Variants in UCK2 observed in about 807,000 individuals in gnomAD.
UCK2 encodes uridine-cytidine kinase 2.
In UCK2, 6 loss-of-function variants were observed where a neutral mutation model predicts 30.8. That is an observed-to-expected ratio of 0.19 (90% CI 0.11 to 0.38). The LOEUF is 0.38. Ranked by LOEUF, UCK2 falls within the 10% of genes least tolerant of loss-of-function variation. The pLI is 1.00. For synonymous variants in UCK2, 125 were observed against 133.6 expected (o/e 0.94, Z 0.45); for missense variants, 210 against 339.8 (o/e 0.62, Z 3.00).
At chr1:165,846,516 G>A (rs1194259850) in intron 1 of UCK2, among the ~76,000 whole-genome samples, 1 of 152,012 alleles carries the variant, frequency 6.6e-6, no homozygotes, top group East Asian at 1.9e-4. Flanking sequence ...TTTCTCTCTG[G>A]TGGTAGCAGA....
At chr1:165,900,834 A>C (rs3790665) in intron 4 of UCK2, among the ~76,000 whole-genome samples, 36,472 of 152,234 alleles carry the variant, frequency 0.24, 5,260 homozygotes, top group East Asian at 0.49. Context: ...CATGTGTTGC[A>C]AAACAATCCA....
intron 1 of UCK2, among the ~76,000 whole-genome samples, chr1:165,843,067 AT>A (rs1654369883): frequency 6.8e-6 from 1 of 148,036 alleles, no homozygotes; most frequent in Admixed American, 6.9e-5. Context: ...TGCAATCTGA[AT>A]TGAGGTTTGC....
intron 4 of UCK2, among the ~76,000 whole-genome samples, chr1:165,901,198 C>G (rs1421012402): frequency 3.3e-5 from 5 of 152,184 alleles, no homozygotes; most frequent in Admixed American, 2.6e-4. Context: ...AAGGCTGCTG[C>G]TGGGCTGGGT....
chr1:165,859,930 G>T (rs895428772), intron 1 of UCK2, among the ~76,000 whole-genome samples: 11 of 152,168 alleles, frequency 7.2e-5, no homozygotes, highest in African/African-American at 2.7e-4. Context: ...GCCCATCACA[G>T]CAGGCCTCCC....
chr1:165,880,718 G>A (rs966409532), intron 1 of UCK2, among the ~76,000 whole-genome samples: 7 of 151,972 alleles, frequency 4.6e-5, no homozygotes, highest in Non-Finnish European at 7.4e-5. Context: ...ATTCTATATG[G>A]AATAATCTTA....
chr1:165,903,662 G>T (rs967604423), intron 5 of UCK2, among the ~76,000 whole-genome samples: 1 of 152,150 alleles, frequency 6.6e-6, no homozygotes, highest in African/African-American at 2.4e-5. Context: ...GTGACGTATG[G>T]ATGCACTGGG....
intron 1 of UCK2, among the ~76,000 whole-genome samples, chr1:165,847,077 T>C (rs757378099): frequency 6.6e-6 from 1 of 152,074 alleles, no homozygotes; most frequent in Non-Finnish European, 1.5e-5. Flanking sequence ...TGTGTGCTTG[T>C]ATATTGTTAA....
chr1:165,909,007 C>T lies in UCK2; in HGVS notation c.*1184C>T, dbSNP rs1307151630. On this transcript the variant is annotated 3_prime_UTR_variant, in exon 7 of 7. Coordinates refer to ENST00000367879, the MANE Select transcript of UCK2 (RefSeq NM_012474.5). ...AGGATGCTTTACTTATTTGCAATAC[C>T]ACCTAGTGGATATGGCAACTGCAGA... is the stretch of plus-strand genomic sequence containing the variant. 1 of 152,164 alleles carries T rather than the reference C, an allele frequency of 6.6e-6. No individual in the cohort carries two copies. The highest frequency in any genetic ancestry group is 1.5e-5 in the Non-Finnish European group (1 of 68,038). The allele number at this position is 152,164 out of a possible 1,614,324, so 9.4% of individuals were successfully genotyped here.
chr1:165,895,610 G>A (rs141154927), intron 3 of UCK2: 52 of 985,504 alleles, frequency 5.3e-5, no homozygotes, highest in Middle Eastern at 5.2e-4. Context: ...GACAGACGTC[G>A]GGATTCTGTA....
At chr1:165,832,991 G>A (rs539724558) in intron 1 of UCK2, among the ~76,000 whole-genome samples, 2 of 152,204 alleles carry the variant, frequency 1.3e-5, no homozygotes, top group South Asian at 4.2e-4. Flanking sequence ...GACCATTATA[G>A]GATAAGAGAG....
At chr1:165,837,908 T>A (rs1404025376) in intron 1 of UCK2, among the ~76,000 whole-genome samples, 1 of 152,236 alleles carries the variant, frequency 6.6e-6, no homozygotes, top group Non-Finnish European at 1.5e-5. Flanking sequence ...ATCTTTCTAG[T>A]TGCTCAGGCC....
chr1:165,891,125 G>A, intron 2 of UCK2, 101 bp from the exon 3 acceptor site: 1 of 1,022,664 alleles, frequency 9.8e-7, no homozygotes. Flanking sequence ...CCTTTAAAGT[G>A]TGATGTGCCC....
chr1:165,891,208 C>G lies in UCK2; in HGVS notation c.260-18C>G, dbSNP rs753067698. 147 of 1,608,142 alleles carry G rather than the reference C, an allele frequency of 9.1e-5. No individual in the cohort carries two copies. Among genetic ancestry groups the G allele is most frequent in the Non-Finnish European group, 1.2e-4 (139 of 1,174,852 alleles). On this transcript the variant is annotated intron_variant, in intron 2 of 6. Coordinates refer to ENST00000367879, the MANE Select transcript of UCK2 (RefSeq NM_012474.5). ...ATTTTAAAATTAAGAAACATTTTAACAATTTGGTATTTTTCAGATGCCTTT... is the reference window on the plus strand; with the variant it reads ...ATTTTAAAATTAAGAAACATTTTAAGAATTTGGTATTTTTCAGATGCCTTT...
intron 1 of UCK2, among the ~76,000 whole-genome samples, chr1:165,854,598 A>AATAT: frequency 7.0e-6 from 1 of 143,688 alleles, no homozygotes; most frequent in Non-Finnish European, 1.5e-5. Context: ...TCCTTTTTTA[A>AATAT]AAATAAATAA....
intron 1 of UCK2, among the ~76,000 whole-genome samples, chr1:165,831,597 C>T (rs1282401538): frequency 6.6e-6 from 1 of 152,170 alleles, no homozygotes; most frequent in Non-Finnish European, 1.5e-5. Context: ...GAAAAATCTG[C>T]TCCATTACAC....
chr1:165,863,628 C>G (rs1176367554), intron 1 of UCK2, among the ~76,000 whole-genome samples: 6 of 152,156 alleles, frequency 3.9e-5, no homozygotes, highest in Admixed American at 6.5e-5. Context: ...CTTTTCAAAC[C>G]AAGGGCTTCT....
chr1:165,885,910 CACATA>C (rs1342170186), intron 1 of UCK2, among the ~76,000 whole-genome samples: 2 of 152,102 alleles, frequency 1.3e-5, no homozygotes, highest in Non-Finnish European at 2.9e-5. Context: ...TGGTAAAATA[CACATA>C]ACATAAAATT....
intron 1 of UCK2, among the ~76,000 whole-genome samples, chr1:165,847,733 C>T (rs1302786978): frequency 6.6e-6 from 1 of 152,154 alleles, no homozygotes; most frequent in Non-Finnish European, 1.5e-5. Flanking sequence ...CCTGCCTCAT[C>T]CTTCAGAGTA....
intron 1 of UCK2, among the ~76,000 whole-genome samples, chr1:165,879,202 TG>T (rs1295133431): frequency 3.9e-5 from 6 of 152,386 alleles, no homozygotes; most frequent in African/African-American, 1.4e-4. Context: ...TTTTATTTTT[TG>T]TTATATTTTG....
Sources: allele counts gnomAD v4.1 joint callset (sites outside exome capture counted in the v4.1 genomes callset), GRCh38; gene constraint gnomAD v4.1.1; transcripts MANE v1.5; gene names NCBI Gene and HGNC (gene_info 2026-07-23, HGNC 2026-07-21).